Variants in RPTOR observed in about 807,000 individuals in gnomAD.
RPTOR encodes the protein regulatory-associated protein of mTOR.
A neutral mutation model predicts 169.9 loss-of-function variants in RPTOR; 21 were observed. The ratio of observed to expected loss-of-function variants is 0.12; its 90% CI spans 0.09 to 0.18. The LOEUF (loss-of-function observed/expected upper bound fraction) is 0.18, where lower values mean the gene tolerates loss of function less well. RPTOR is among the 10% of genes least tolerant of loss of function. RPTOR has a pLI of 1.00. For missense variants in RPTOR, 1,133 were observed against 1,855.9 expected (o/e 0.61, Z 7.16); for synonymous variants, 732 against 753.2 (o/e 0.97, Z 0.46).
chr17:80,802,427 TAAA>T (rs2067170203), intron 7 of RPTOR: 2 of 152,190 alleles, frequency 1.3e-5, no homozygotes, highest in Middle Eastern at 6.8e-3. Context: ...CCGTCTCTAC[TAAA>T]AATACAAAAA....
rs536420399 is a variant in RPTOR at position 80,774,389 on chromosome 17, G to A, written c.831-17061G>A. On this transcript the variant is annotated intron_variant, in intron 6 of 33. Transcript: ENST00000306801. The stretch of plus-strand genomic sequence containing the variant: ...TCCACAGAGTATTCTCCCTTATGGT[G>A]TCACATTTGCTCTTACTAATAACCC... The A allele has an allele frequency of 1.1e-4, 106 of 976,870 alleles. No individual in the cohort carries two copies. In the South Asian group the frequency reaches 4.0e-3, roughly 37 times the overall value. The allele number at this position is 976,870 out of a possible 1,614,324, so 60.5% of individuals were successfully genotyped here. A position where few individuals can be genotyped will look rare whatever the true frequency, so the allele number is the denominator to read the frequency against.
chr17:80,634,354 G>GTACTGTGTGTGCATACTGTGTGTGTGCA (rs1567830643), intron 2 of RPTOR, among the ~76,000 whole-genome samples: 3 of 66,154 alleles, frequency 4.5e-5, no homozygotes, highest in Admixed American at 1.6e-4. Flanking sequence ...GTGCATGTGC[G>GTACTGTGTGTGCATACTGTGTGTGTGCA]TACTGTGTGT....
At chr17:80,631,438 G>A (rs559886222) in intron 2 of RPTOR, among the ~76,000 whole-genome samples, 2 of 152,076 alleles carry the variant, frequency 1.3e-5, no homozygotes, top group Non-Finnish European at 2.9e-5. Context: ...CTGGGGCCTC[G>A]AGGACACATT....
rs116597026 is a variant in RPTOR at position 80,936,716 on chromosome 17, T to G, written c.2920-3780T>G. ...TGTACCTACAGAGGGCGAAATTCACTGTACGTAAGTTACATCTTCATCAAC... is the reference window on the plus strand; with the variant it reads ...TGTACCTACAGAGGGCGAAATTCACGGTACGTAAGTTACATCTTCATCAAC... On this transcript the variant is annotated intron_variant, in intron 24 of 33. Coordinates refer to ENST00000306801, the MANE Select transcript of RPTOR (RefSeq NM_020761.3). This position sits in a 1 kb window ranked among gnomAD's most constrained non-coding sequence, Gnocchi z 4.1. Among the ~76,000 whole-genome samples, 2 of 152,260 alleles carry G rather than the reference T, an allele frequency of 1.3e-5. No individual in the cohort carries two copies. The highest frequency in any genetic ancestry group is 1.9e-4 in the East Asian group (1 of 5,200).
intron 24 of RPTOR, among the ~76,000 whole-genome samples, chr17:80,931,337 A>ATGGT (rs1473153504): frequency 6.6e-6 from 1 of 152,258 alleles, no homozygotes; most frequent in East Asian, 1.9e-4. Context: ...CATGAGCACC[A>ATGGT]GTTCCCTGCA....
At chr17:80,904,070 C>T (rs939670469) in intron 20 of RPTOR, among the ~76,000 whole-genome samples, 10 of 152,242 alleles carry the variant, frequency 6.6e-5, no homozygotes, top group East Asian at 5.8e-4. Flanking sequence ...GCAGACGCAC[C>T]GCCCACCCGG....
At chr17:80,892,902 G>A (rs946091938) in intron 19 of RPTOR, 33 bp downstream of exon 19, 1 of 1,605,794 alleles carries the variant, frequency 6.2e-7, no homozygotes, top group Non-Finnish European at 8.5e-7. Context: ...ATTGGATTGG[G>A]AGAGATTGGG....
intron 4 of RPTOR, among the ~76,000 whole-genome samples, chr17:80,709,655 A>C (rs1231412702): frequency 1.3e-5 from 2 of 149,368 alleles, no homozygotes; most frequent in African/African-American, 2.5e-5. Context: ...TCTGCTGTAA[A>C]CCGCGTGAGT....
intron 13 of RPTOR, among the ~76,000 whole-genome samples, chr17:80,866,927 G>A (rs1376530612): frequency 1.3e-5 from 2 of 152,122 alleles, no homozygotes; most frequent in Non-Finnish European, 2.9e-5. Flanking sequence ...GAAAACTGCA[G>A]GTCCAGATGA....
At position 80,628,293 on chromosome 17, in the gene RPTOR, C is replaced by T. The variant is rs147645537; in HGVS notation, c.265+2500C>T. ...CCAAGTTTCTATCTGGTATCATAAT[C>T]ATTCTGCCTGAAGAACTTACTCTAA... On this transcript the variant is annotated intron_variant, in intron 2 of 33. Transcript: ENST00000306801. 3.5e-3 allele frequency among the ~76,000 whole-genome samples: 532 copies of T among 152,310 alleles called. 3 individuals are homozygous for T. Among genetic ancestry groups the T allele is most frequent in the African/African-American group, 0.012 (481 of 41,562 alleles).
chr17:80,826,775 G>A (rs539023999), intron 9 of RPTOR, among the ~76,000 whole-genome samples: 13 of 152,362 alleles, frequency 8.5e-5, no homozygotes, highest in South Asian at 4.1e-4. Context: ...CCCCCGTGCC[G>A]TCACCGCTGG....
At chr17:80,930,428 T>TCCTCAGCTCATCCTCAGCTCATCCCCA (rs2144009853) in intron 24 of RPTOR, among the ~76,000 whole-genome samples, 1 of 300 alleles carries the variant, frequency 3.3e-3, no homozygotes, top group Admixed American at 0.038. Context: ...CCTCAGCTCA[T>TCCTCAGCTCATCCTCAGCTCATCCCCA]CCTCATCCCC....
At chr17:80,728,916 G>T (rs2066364201) in intron 4 of RPTOR, among the ~76,000 whole-genome samples, 1 of 152,154 alleles carries the variant, frequency 6.6e-6, no homozygotes, top group Non-Finnish European at 1.5e-5. Context: ...CTATTATAGA[G>T]CAGTGATTAT....
Position 80,918,221 on chromosome 17 carries a change from C to T in RPTOR, c.2521-4503C>T, listed in dbSNP as rs116505442. 3.5e-3 allele frequency among the ~76,000 whole-genome samples: 527 copies of T among 152,348 alleles called. 3 individuals are homozygous for T. Among genetic ancestry groups the T allele is most frequent in the African/African-American group, 0.012 (511 of 41,580 alleles). On this transcript the variant is annotated intron_variant, in intron 21 of 33. Coordinates refer to ENST00000306801, the MANE Select transcript of RPTOR (RefSeq NM_020761.3). ...CAGATGTGGCCCTGCCTTAGAGCCA[C>T]GCTGCCCAATGCTGGCCCGTGGGCC...
intron 4 of RPTOR, among the ~76,000 whole-genome samples, chr17:80,716,313 T>C (rs2066239017): frequency 6.6e-6 from 1 of 152,260 alleles, no homozygotes; most frequent in African/African-American, 2.4e-5. Flanking sequence ...TGCATTTCCC[T>C]GATCATTAGT....
intron 3 of RPTOR, among the ~76,000 whole-genome samples, chr17:80,668,251 T>A (rs552567946): frequency 2.6e-5 from 4 of 152,332 alleles, no homozygotes; most frequent in South Asian, 2.1e-4. Context: ...ACTGAGAGGT[T>A]GCCTGATAAT....
chr17:80,841,787 A>C (rs556814493), intron 10 of RPTOR, among the ~76,000 whole-genome samples: 38 of 122,194 alleles, frequency 3.1e-4, no homozygotes, highest in East Asian at 1.2e-3. Context: ...GCTCACTCTC[A>C]CCGCACGGCA....
At chr17:80,692,058 G>T (rs1355821409) in intron 3 of RPTOR, among the ~76,000 whole-genome samples, 1 of 152,204 alleles carries the variant, frequency 6.6e-6, no homozygotes, top group Non-Finnish European at 1.5e-5. Flanking sequence ...CGCTGCTGAG[G>T]CACTCGCCCT....
rs982168998 is a variant in RPTOR, at chr17:80,940,650, C to G, written c.3025+49C>G. On this transcript the variant is annotated intron_variant, in intron 25 of 33. Transcript: ENST00000306801. ...CAGGGGCTCATTCCGGGGGTGGGGCCTGGGGCGAGGGTCCCCTGTGAGCAG... is the reference window on the plus strand; with the variant it reads ...CAGGGGCTCATTCCGGGGGTGGGGCGTGGGGCGAGGGTCCCCTGTGAGCAG... 3 of 1,489,016 alleles carry G rather than the reference C, an allele frequency of 2.0e-6. No homozygotes were observed. In the African/African-American group the frequency reaches 4.2e-5, roughly 21 times the overall value. The allele number at this position is 1,489,016 out of a possible 1,614,324, so 92.2% of individuals were successfully genotyped here. A position where few individuals can be genotyped will look rare whatever the true frequency, so the allele number is the denominator to read the frequency against.
Sources: gnomAD v4.1 joint callset for allele counts (sites outside exome capture counted in the v4.1 genomes callset) on GRCh38, gnomAD v4.1.1 for gene constraint, Gnocchi (gnomAD v3.1) non-coding constraint, MANE v1.5 for transcripts, NCBI Gene and HGNC (gene_info 2026-07-23, HGNC 2026-07-21) for gene names.